The following NICOL1 variants were observed in gnomAD, a reference collection of about 807,000 sequenced individuals.
NICOL1 encodes the protein NELL2-interacting cell ontogeny regulator 1.
chr4:2,041,423 C>A, the NICOL1 span, among the ~76,000 whole-genome samples: 1 of 152,138 alleles, frequency 6.6e-6, no homozygotes, highest in Non-Finnish European at 1.5e-5. Flanking sequence ...AGCGGTTCTC[C>A]GGTCTCCGAG....
At chr4:2,042,336 G>A in the NICOL1 span, 7 of 547,670 alleles carry the variant, frequency 1.3e-5, no homozygotes, top group South Asian at 9.1e-5. Flanking sequence ...GGGCGGCCCC[G>A]CTCCCTCTGC....
chr4:2,040,940 T>G, the NICOL1 span, among the ~76,000 whole-genome samples: 1 of 149,256 alleles, frequency 6.7e-6, no homozygotes, highest in African/African-American at 2.5e-5. Flanking sequence ...CAGTCCCAGC[T>G]TGTGCCGGGA....
At chr4:2,042,115 G>A in the NICOL1 span, 3 of 1,484,556 alleles carry the variant, frequency 2.0e-6, no homozygotes, top group Non-Finnish European at 2.7e-6. Context: ...TCTAGATACG[G>A]GGCGCGGACT....
the NICOL1 span, among the ~76,000 whole-genome samples, chr4:2,043,478 C>T: frequency 2.0e-5 from 3 of 152,310 alleles, no homozygotes; most frequent in Non-Finnish European, 4.4e-5. Flanking sequence ...CAGAGGGCTC[C>T]GACTAAGACC....
the NICOL1 span, chr4:2,042,262 G>C: frequency 9.1e-7 from 1 of 1,094,360 alleles, no homozygotes; most frequent in Non-Finnish European, 1.2e-6. Context: ...GCCCGCGGGA[G>C]GGGACGGGGG....
the NICOL1 span, among the ~76,000 whole-genome samples, chr4:2,036,597 C>A: frequency 6.6e-6 from 1 of 152,148 alleles, no homozygotes; most frequent in African/African-American, 2.4e-5. Context: ...TGAAGACAGA[C>A]GGAAGCTCCA....
At chr4:2,038,237 G>GTGTATATA in the NICOL1 span, among the ~76,000 whole-genome samples, 198 of 91,442 alleles carry the variant, frequency 2.2e-3, 4 homozygotes, top group Non-Finnish European at 3.0e-3. Flanking sequence ...TGATCAGTGT[G>GTGTATATA]TATATATATA....
the NICOL1 span, chr4:2,042,174 A>G: frequency 1.9e-6 from 2 of 1,044,728 alleles, no homozygotes; most frequent in Non-Finnish European, 1.2e-6. Context: ...GGGGAACCGG[A>G]GGTGGGGAGG....
the NICOL1 span, among the ~76,000 whole-genome samples, chr4:2,040,423 G>T: frequency 1.3e-5 from 2 of 152,224 alleles, no homozygotes; most frequent in Non-Finnish European, 2.9e-5. Context: ...CTAGGGGCAG[G>T]GGTGATAGGA....
the NICOL1 span, among the ~76,000 whole-genome samples, chr4:2,040,517 C>A: frequency 6.6e-6 from 1 of 152,330 alleles, no homozygotes; most frequent in South Asian, 2.1e-4. Context: ...ACGTCCCCCC[C>A]AGGGCTCCGC....
chr4:2,042,390 G>A, the NICOL1 span: 11 of 332,168 alleles, frequency 3.3e-5, no homozygotes, highest in South Asian at 2.2e-4. Context: ...CGATGTCACC[G>A]CCGCCGCCGC....
chr4:2,042,125 T>C, the NICOL1 span: 4 of 1,468,012 alleles, frequency 2.7e-6, no homozygotes, highest in South Asian at 5.3e-5. Flanking sequence ...GGGCGCGGAC[T>C]AGAGGCTCGC....
the NICOL1 span, among the ~76,000 whole-genome samples, chr4:2,041,365 T>C: frequency 2.2e-4 from 34 of 152,224 alleles, 2 homozygotes; most frequent in Middle Eastern, 6.8e-3. Context: ...TTCACGGGAC[T>C]GAAATCGGCA....
chr4:2,040,967 C>G, the NICOL1 span, among the ~76,000 whole-genome samples: 49,320 of 151,484 alleles, frequency 0.33, 9,198 homozygotes, highest in African/African-American at 0.52. Flanking sequence ...CCGGCCAGAA[C>G]CCCGGGGGTT....
At chr4:2,043,942 G>A in the NICOL1 span, 26 of 1,537,476 alleles carry the variant, frequency 1.7e-5, no homozygotes, top group Admixed American at 1.4e-4. Flanking sequence ...ACGCTGCTCC[G>A]TGTGAATAAA....
chr4:2,041,784 T>G, the NICOL1 span: 2 of 482,290 alleles, frequency 4.1e-6, no homozygotes, highest in Non-Finnish European at 7.1e-6. Flanking sequence ...GCTCTGGAGG[T>G]CTCGCCCCGG....
At chr4:2,040,754 A>G in the NICOL1 span, among the ~76,000 whole-genome samples, 3 of 152,096 alleles carry the variant, frequency 2.0e-5, no homozygotes, top group African/African-American at 7.2e-5. Context: ...AGGATGCAGC[A>G]CACCCCCGAG....
At chr4:2,036,821 G>A in the NICOL1 span, among the ~76,000 whole-genome samples, 5 of 152,150 alleles carry the variant, frequency 3.3e-5, no homozygotes, top group Non-Finnish European at 1.5e-5. Flanking sequence ...CACGGCTATG[G>A]GGAGTGAGTG....
At chr4:2,042,397 C>CTG in the NICOL1 span, 1 of 509,316 alleles carries the variant, frequency 2.0e-6, no homozygotes. Context: ...ACCGCCGCCG[C>CTG]CGCCGCTGCT....
Sources: gnomAD v4.1 joint callset for allele counts (sites outside exome capture counted in the v4.1 genomes callset) on GRCh38, gnomAD v4.1.1 for gene constraint, MANE v1.5 for transcripts, NCBI Gene and HGNC (gene_info 2026-07-23, HGNC 2026-07-21) for gene names.